RBFOX1: variants seen among roughly 807,000 people sequenced by gnomAD.
RBFOX1 encodes the protein RNA binding fox-1 homolog 1.
Under a neutral mutation model 57.7 loss-of-function variants are expected in RBFOX1, and 8 were observed. The observed-to-expected ratio is 0.14, with a 90% CI of 0.08 to 0.25. The LOEUF (loss-of-function observed/expected upper bound fraction) is 0.25. Among genes scored for constraint, RBFOX1 ranks in the 10% least tolerant of loss-of-function variants. RBFOX1 has a pLI of 1.00. For synonymous variants in RBFOX1, 326 were observed against 222.4 expected, an observed-to-expected ratio of 1.47 and a Z score of -4.15; for missense variants, 611 against 548.5, an observed-to-expected ratio of 1.11 and a Z score of -1.14.
chr16:6,234,385 A>C (rs929205921), intron 1 of RBFOX1, among the ~76,000 whole-genome samples: 2 of 152,296 alleles, frequency 1.3e-5, no homozygotes, highest in Admixed American at 6.5e-5. Flanking sequence ...TCTTCCTTCC[A>C]AAACTGTAAG....
intron 3 of RBFOX1, among the ~76,000 whole-genome samples, chr16:5,719,792 ATTTGT>A (rs2051859574): frequency 6.6e-6 from 1 of 151,802 alleles, no homozygotes; most frequent in Non-Finnish European, 1.5e-5. Context: ...ACCCCATTTT[ATTTGT>A]TTATCATTTG....
chr16:6,932,341 A>C (rs1181349915), intron 3 of RBFOX1, among the ~76,000 whole-genome samples: 9 of 152,136 alleles, frequency 5.9e-5, no homozygotes, highest in African/African-American at 2.4e-5. Context: ...TCCTGACCTC[A>C]GGTGATCCAC....
At chr16:5,872,696 A>G (rs1286563743) in intron 4 of RBFOX1, among the ~76,000 whole-genome samples, 1 of 152,104 alleles carries the variant, frequency 6.6e-6, no homozygotes, top group Non-Finnish European at 1.5e-5. Context: ...AGATTGCACC[A>G]CTGCACTCTA....
At chr16:6,070,173 C>A (rs78277297) in intron 1 of RBFOX1, among the ~76,000 whole-genome samples, 7,577 of 152,148 alleles carry the variant, frequency 0.05, 608 homozygotes, top group African/African-American at 0.17. Context: ...CTAAACTTTT[C>A]AGAAACAAAG....
intron 3 of RBFOX1, among the ~76,000 whole-genome samples, chr16:6,905,197 A>G (rs2069532485): frequency 6.6e-6 from 1 of 151,898 alleles, no homozygotes. Context: ...TTTCTCAATA[A>G]CACTTGTTCC....
chr16:7,634,232 G>C (rs1284234051), intron 11 of RBFOX1, among the ~76,000 whole-genome samples: 1 of 152,122 alleles, frequency 6.6e-6, no homozygotes, highest in Non-Finnish European at 1.5e-5. Context: ...CCTCATTTCT[G>C]TTTAACAGCT....
chr16:6,167,324 T>C (rs900246351), intron 1 of RBFOX1, among the ~76,000 whole-genome samples: 8 of 152,200 alleles, frequency 5.3e-5, no homozygotes, highest in African/African-American at 1.7e-4. Flanking sequence ...AGTTGTACTT[T>C]CTCTGTGGAC....
At chr16:5,790,617 G>C (rs756322551) in intron 3 of RBFOX1, among the ~76,000 whole-genome samples, 1 of 151,928 alleles carries the variant, frequency 6.6e-6, no homozygotes. Flanking sequence ...GGCCTACCAG[G>C]CAAAAAACAT....
At chr16:6,128,923 C>T (rs1054301025) in intron 1 of RBFOX1, among the ~76,000 whole-genome samples, 1 of 152,144 alleles carries the variant, frequency 6.6e-6, no homozygotes, top group Non-Finnish European at 1.5e-5. Flanking sequence ...TAGAATAAGA[C>T]CATGCCTGTT....
intron 4 of RBFOX1, among the ~76,000 whole-genome samples, chr16:7,307,128 G>A (rs1359090011): frequency 6.6e-6 from 1 of 152,162 alleles, no homozygotes; most frequent in Non-Finnish European, 1.5e-5. Context: ...ACATAAGAAA[G>A]TAATCAACCC....
intron 10 of RBFOX1, among the ~76,000 whole-genome samples, chr16:7,612,739 G>A (rs1267466787): frequency 6.6e-6 from 1 of 152,038 alleles, no homozygotes; most frequent in South Asian, 2.1e-4. Context: ...ATAAATAACA[G>A]AAGGTTACAC....
intron 3 of RBFOX1, among the ~76,000 whole-genome samples, chr16:6,803,311 C>T (rs935583221): frequency 3.3e-5 from 5 of 152,120 alleles, no homozygotes; most frequent in African/African-American, 1.2e-4. Context: ...GCATTGTTTC[C>T]TTAGTCATTG....
chr16:6,312,315 C>A (rs2080429453), intron 1 of RBFOX1, among the ~76,000 whole-genome samples: 1 of 152,096 alleles, frequency 6.6e-6, no homozygotes, highest in South Asian at 2.1e-4. Context: ...CCCTTACCCT[C>A]CCGCCCCAAA....
intron 2 of RBFOX1, among the ~76,000 whole-genome samples, chr16:5,486,093 C>G (rs1407102167): frequency 6.6e-6 from 1 of 152,196 alleles, no homozygotes; most frequent in African/African-American, 2.4e-5. Flanking sequence ...AAGCACTTCT[C>G]TGAGAACTGC....
chr16:6,940,848 AGTCTGTGT>A lies in RBFOX1; in HGVS notation c.-15-111206_-15-111199del, dbSNP rs1399591323. Among the ~76,000 whole-genome samples the A allele has an allele frequency of 9.2e-4, 54 of 58,494 alleles. 1 individual carries two copies. Among genetic ancestry groups the A allele is most frequent in the African/African-American group, 2.3e-3 (24 of 10,262 alleles). The allele number at this position is 58,494 out of a possible 152,430, so 38.4% of individuals were successfully genotyped here. A position where few individuals can be genotyped will look rare whatever the true frequency, so the allele number is the denominator to read the frequency against. ...CAGGCGCCTGCCACCATGTCCGGCT[AGTCTGTGT>A]GTGTGTGTGTGTGTGTGTGTGTGTG... On this transcript the variant is annotated intron_variant, in intron 3 of 15. Transcript: ENST00000550418.
intron 1 of RBFOX1, among the ~76,000 whole-genome samples, chr16:5,330,187 G>T (rs529912824): frequency 7.2e-5 from 11 of 152,220 alleles, no homozygotes; most frequent in African/African-American, 2.6e-4. Flanking sequence ...TACACATTTT[G>T]GGGGGATATA....
At chr16:5,271,739 C>G (rs564155217) in intron 1 of RBFOX1, among the ~76,000 whole-genome samples, 1 of 152,228 alleles carries the variant, frequency 6.6e-6, no homozygotes. Context: ...TGACCAGTGT[C>G]TCCTATCCCC....
intron 1 of RBFOX1, among the ~76,000 whole-genome samples, chr16:6,218,715 G>C (rs1379640871): frequency 7.9e-5 from 12 of 152,100 alleles, no homozygotes; most frequent in African/African-American, 2.7e-4. Flanking sequence ...ATTTGTGTCC[G>C]TGGAATTAAA....
intron 4 of RBFOX1, among the ~76,000 whole-genome samples, chr16:5,920,846 A>C (rs964164021): frequency 2.0e-5 from 3 of 152,198 alleles, no homozygotes; most frequent in African/African-American, 7.2e-5. Context: ...AAATAAGTAC[A>C]TTATCACAAG....
Sources: gnomAD v4.1 joint callset for allele counts (sites outside exome capture counted in the v4.1 genomes callset) on GRCh38, gnomAD v4.1.1 for gene constraint, MANE v1.5 for transcripts, NCBI Gene and HGNC (gene_info 2026-07-23, HGNC 2026-07-21) for gene names.